The following KIAA0232 variants were observed in gnomAD, a reference collection of about 807,000 sequenced individuals.
The protein encoded by KIAA0232 is uncharacterized protein KIAA0232.
A neutral mutation model predicts 122.0 loss-of-function variants in KIAA0232; 27 were observed. That is an observed-to-expected ratio of 0.22 (90% CI 0.16 to 0.31). The LOEUF is 0.31. Ranked by LOEUF, KIAA0232 falls within the 10% of genes least tolerant of loss-of-function variation. The probability of loss-of-function intolerance (pLI) is 1.00; values close to 1 mark genes in which losing one functional copy is unlikely to be tolerated. For missense variants in KIAA0232, 1,551 were observed against 1,634.2 expected, an observed-to-expected ratio of 0.95 and a Z score of 0.88; for synonymous variants, 613 against 587.6, an observed-to-expected ratio of 1.04 and a Z score of -0.63.
intron 3 of KIAA0232, among the ~76,000 whole-genome samples, chr4:6,830,627 G>A (rs958947357): frequency 6.6e-6 from 1 of 151,798 alleles, no homozygotes; most frequent in African/African-American, 2.4e-5. Flanking sequence ...GGCTGGTCTC[G>A]AACTCCTGGC....
Position 6,881,099 on chromosome 4 carries a change from T to C in KIAA0232, c.*133T>C, listed in dbSNP as rs1213187353. The C allele has an allele frequency of 3.2e-6, 2 of 634,470 alleles. No homozygotes were observed. Among genetic ancestry groups the C allele is most frequent in the Non-Finnish European group, 4.9e-6 (2 of 410,914 alleles). 39.3% of individuals were successfully genotyped at this position (634,470 alleles called of 1,614,324 possible). A position where few individuals can be genotyped will look rare whatever the true frequency, so the allele number is the denominator to read the frequency against. On this transcript the variant is annotated 3_prime_UTR_variant, in exon 10 of 10. Transcript: ENST00000307659. ...AACTGATTCAGATTGGTAATAATTATCTTTCTCTTCTTGCTTATTTTAGAG... is the reference window on the plus strand; with the variant it reads ...AACTGATTCAGATTGGTAATAATTACCTTTCTCTTCTTGCTTATTTTAGAG...
Position 6,842,207 on chromosome 4 carries a change from A to C in KIAA0232, c.369+3A>C. ...GTCTTCGATCTGCTTCTGATGAAGT[A>C]AGTTTACATTTTGTTTCTAACACTT... is the stretch of plus-strand genomic sequence containing the variant. On this transcript the variant is annotated splice_donor_region_variant and intron_variant, in intron 4 of 9. Coordinates refer to ENST00000307659, the MANE Select transcript of KIAA0232 (RefSeq NM_014743.3). 6.3e-7 allele frequency: 1 copy of C among 1,592,418 alleles called. No individual in the cohort carries two copies. The highest frequency in any genetic ancestry group is 8.5e-7 in the Non-Finnish European group (1 of 1,173,600).
At chr4:6,875,110 C>G (rs1022130849) in intron 8 of KIAA0232, among the ~76,000 whole-genome samples, 11 of 152,170 alleles carry the variant, frequency 7.2e-5, no homozygotes, top group African/African-American at 2.7e-4. Flanking sequence ...AGAGATGAAG[C>G]CAGGGTTCCT....
intron 2 of KIAA0232, among the ~76,000 whole-genome samples, chr4:6,815,063 A>G (rs895038484): frequency 1.3e-5 from 2 of 151,954 alleles, no homozygotes; most frequent in African/African-American, 4.8e-5. Flanking sequence ...AAAACACTTG[A>G]TATATAGTGG....
chr4:6,801,159 C>G (rs571166350), intron 1 of KIAA0232, among the ~76,000 whole-genome samples: 1 of 152,300 alleles, frequency 6.6e-6, no homozygotes, highest in South Asian at 2.1e-4. Flanking sequence ...TGGAAATGTT[C>G]ACTGTCTTTT....
intron 4 of KIAA0232, among the ~76,000 whole-genome samples, chr4:6,842,421 T>G (rs1160437494): frequency 1.3e-5 from 2 of 152,124 alleles, no homozygotes; most frequent in Non-Finnish European, 2.9e-5. Context: ...TAATTAAGAG[T>G]ATACACAAAA....
At chr4:6,877,807 C>T (rs1721835102) in intron 9 of KIAA0232, among the ~76,000 whole-genome samples, 1 of 152,146 alleles carries the variant, frequency 6.6e-6, no homozygotes, top group African/African-American at 2.4e-5. Context: ...TCTCCTTTGG[C>T]AACACCCCCA....
chr4:6,869,376 G>GC (rs1721350191), intron 7 of KIAA0232, among the ~76,000 whole-genome samples: 2 of 152,300 alleles, frequency 1.3e-5, no homozygotes, highest in East Asian at 3.9e-4. Context: ...GAGAGTTCTG[G>GC]CTGGGGCACC....
chr4:6,787,996 C>G (rs1171781099), intron 1 of KIAA0232, among the ~76,000 whole-genome samples: 1 of 152,152 alleles, frequency 6.6e-6, no homozygotes, highest in Non-Finnish European at 1.5e-5. Context: ...GCTATCTAGC[C>G]TCATTCTTAC....
chr4:6,824,175 A>G lies in KIAA0232; in HGVS notation c.-269-10A>G, dbSNP rs1320532223. The G allele has an allele frequency of 2.0e-6, 1 of 499,976 alleles. No homozygotes were observed. The allele number at this position is 499,976 out of a possible 1,614,324, so 31.0% of individuals were successfully genotyped here. A position where few individuals can be genotyped will look rare whatever the true frequency, so the allele number is the denominator to read the frequency against. ...TAATGCATACTTTTTTTCCTCTCTCATTTTTGTAGGTTCTGCCGGAGACTT... is the reference window on the plus strand; with the variant it reads ...TAATGCATACTTTTTTTCCTCTCTCGTTTTTGTAGGTTCTGCCGGAGACTT... On this transcript the variant is annotated splice_polypyrimidine_tract_variant and intron_variant, in intron 2 of 9. Transcript: ENST00000307659.
rs907043734 is a variant in KIAA0232, at chr4:6,862,910, T to C, written c.2528T>C (p.Ile843Thr). Reference sequence around the variant, plus strand: ...ACAAATTCTGTGGCTACAGTAGAAATAGAAAGAACTGATGCTGAGTTGTTT... The same window carrying C: ...ACAAATTCTGTGGCTACAGTAGAAACAGAAAGAACTGATGCTGAGTTGTTT... ...ADTNSVATVEIERTDAELFSA... is the reference protein window; with the variant it reads ...ADTNSVATVETERTDAELFSA... The change falls in exon 7 of 10, where the codon ATA becomes ACA. Residue 843 changes from isoleucine to threonine, a missense_variant. Transcript: ENST00000307659. 13 of 1,614,162 alleles carry C rather than the reference T, an allele frequency of 8.1e-6. No homozygotes were observed. The highest frequency in any genetic ancestry group is 1.0e-5 in the Non-Finnish European group (12 of 1,180,006).
At chr4:6,838,427 G>A (rs1452562007) in intron 3 of KIAA0232, among the ~76,000 whole-genome samples, 1 of 152,098 alleles carries the variant, frequency 6.6e-6, no homozygotes, top group Non-Finnish European at 1.5e-5. Flanking sequence ...GGGCTCAAGT[G>A]ATCTGCCCAC....
chr4:6,787,772 A>G lies in KIAA0232; in HGVS notation c.-354+4931A>G, dbSNP rs141700556. On this transcript the variant is annotated intron_variant, in intron 1 of 9. Coordinates refer to ENST00000307659, the MANE Select transcript of KIAA0232 (RefSeq NM_014743.3). ...TGTTCTGTTGCCAGAATTATTTAAT[A>G]GGCAAATCAAATCATATCATGACCC... Among the ~76,000 whole-genome samples the G allele has an allele frequency of 6.1e-3, 922 of 152,304 alleles. 14 individuals carry two copies. Among genetic ancestry groups the G allele is most frequent in the African/African-American group, 0.021 (869 of 41,570 alleles).
At chr4:6,844,431 C>T (rs1211880344) in intron 4 of KIAA0232, among the ~76,000 whole-genome samples, 1 of 151,630 alleles carries the variant, frequency 6.6e-6, no homozygotes, top group Non-Finnish European at 1.5e-5. Flanking sequence ...ATTTCTTTTT[C>T]TTTTTCTTTT....
At chr4:6,843,309 A>G (rs1211454063) in intron 4 of KIAA0232, among the ~76,000 whole-genome samples, 1 of 152,224 alleles carries the variant, frequency 6.6e-6, no homozygotes, top group Non-Finnish European at 1.5e-5. Context: ...TCTGACCTCC[A>G]GAAACTTCCT....
At chr4:6,818,348 C>T (rs1377474735) in intron 2 of KIAA0232, among the ~76,000 whole-genome samples, 1 of 140,238 alleles carries the variant, frequency 7.1e-6, no homozygotes, top group African/African-American at 2.7e-5. Flanking sequence ...TGCAGTGAGC[C>T]AAAGTTGCAC....
chr4:6,852,852 G>C (rs1188724587), intron 4 of KIAA0232, among the ~76,000 whole-genome samples: 1 of 152,204 alleles, frequency 6.6e-6, no homozygotes, highest in African/African-American at 2.4e-5. Flanking sequence ...ATGGCAGATG[G>C]AGAACACTCA....
In KIAA0232 at chr4:6,881,109, CT is replaced by C; in HGVS notation, c.*145del. The C allele has an allele frequency of 1.6e-6, 1 of 625,236 alleles. No homozygotes were observed. 38.7% of individuals were successfully genotyped at this position (625,236 alleles called of 1,614,324 possible). On this transcript the variant is annotated 3_prime_UTR_variant, in exon 10 of 10. Transcript: ENST00000307659. ...GATTGGTAATAATTATCTTTCTCTTCTTGCTTATTTTAGAGTTGAGGACAGC... is the reference window on the plus strand; with the variant it reads ...GATTGGTAATAATTATCTTTCTCTTCTGCTTATTTTAGAGTTGAGGACAGC...
At chr4:6,820,787 G>GT (rs1440632792) in intron 2 of KIAA0232, among the ~76,000 whole-genome samples, 1 of 152,168 alleles carries the variant, frequency 6.6e-6, no homozygotes, top group Non-Finnish European at 1.5e-5. Flanking sequence ...GTCTTAGTCT[G>GT]TTTTCTGTTG....
Sources: gnomAD v4.1 joint callset for allele counts (sites outside exome capture counted in the v4.1 genomes callset) on GRCh38, gnomAD v4.1.1 for gene constraint, MANE v1.5 for transcripts, NCBI Gene and HGNC (gene_info 2026-07-23, HGNC 2026-07-21) for gene names.